MEGF10: variants seen among roughly 807,000 people sequenced by gnomAD.
The protein encoded by MEGF10 is multiple epidermal growth factor-like domains protein 10.
A neutral mutation model predicts 147.5 loss-of-function variants in MEGF10; 86 were observed. The ratio of observed to expected loss-of-function variants is 0.58; its 90% CI spans 0.49 to 0.70. The LOEUF is 0.70. MEGF10 is among the 30% of genes least tolerant of loss of function. MEGF10 has a pLI of 0.00. For missense variants in MEGF10, 1,329 were observed against 1,487.3 expected (o/e 0.89, Z 1.75); for synonymous variants, 478 against 525.5 (o/e 0.91, Z 1.24).
chr5:127,402,640 C>T lies in MEGF10; in HGVS notation c.875C>T (p.Ala292Val), dbSNP rs774908067. The change falls in exon 8 of 25, where the codon GCC (alanine) becomes GTC (valine). Residue 292 changes from alanine to valine, a missense_variant. Transcript: ENST00000503335. ...CATAATGGAGGGACGTGTGATGCTGCCACAGGCCAATGTCATTGCAGTCCA... is the reference window on the plus strand; with the variant it reads ...CATAATGGAGGGACGTGTGATGCTGTCACAGGCCAATGTCATTGCAGTCCA... ...QCHNGGTCDA[A>V]TGQCHCSPGY... The T allele has an allele frequency of 6.2e-7, 1 of 1,614,108 alleles. No individual in the cohort carries two copies. Among genetic ancestry groups the T allele is most frequent in the South Asian group, 1.1e-5 (1 of 91,068 alleles).
chr5:127,424,557 T>A (rs1765146874), intron 13 of MEGF10: 1 of 1,397,584 alleles, frequency 7.2e-7, no homozygotes, highest in Admixed American at 3.2e-5. Flanking sequence ...TTGGAAAATG[T>A]TGAGAGCTTC....
chr5:127,377,516 G>A (rs1763078648), intron 5 of MEGF10, among the ~76,000 whole-genome samples: 1 of 152,178 alleles, frequency 6.6e-6, no homozygotes, highest in East Asian at 1.9e-4. Context: ...CTTGGCAGTA[G>A]TGAAAATATC....
chr5:127,366,037 C>G (rs1038535355), intron 4 of MEGF10, among the ~76,000 whole-genome samples: 7 of 151,898 alleles, frequency 4.6e-5, no homozygotes, highest in Non-Finnish European at 7.4e-5. Context: ...TGTCTTTAGC[C>G]TATATTGGTT....
intron 5 of MEGF10, among the ~76,000 whole-genome samples, chr5:127,396,276 G>A (rs529890360): frequency 1.3e-5 from 2 of 152,334 alleles, no homozygotes; most frequent in Admixed American, 1.3e-4. Flanking sequence ...CACAGTCTGA[G>A]TAAAGGCATG....
At chr5:127,325,843 A>T (rs1452104722) in intron 1 of MEGF10, among the ~76,000 whole-genome samples, 1 of 127,660 alleles carries the variant, frequency 7.8e-6, no homozygotes, top group Non-Finnish European at 1.8e-5. Flanking sequence ...ATATATATAT[A>T]CATATATGTG....
the MEGF10 span, among the ~76,000 whole-genome samples, chr5:127,247,384 A>T: frequency 1.2e-4 from 3 of 25,354 alleles, no homozygotes; most frequent in Non-Finnish European, 2.2e-4. Flanking sequence ...GAAGAAGAAG[A>T]AGAAGAAGAA....
At chr5:127,232,177 T>A in the MEGF10 span, among the ~76,000 whole-genome samples, 1 of 152,374 alleles carries the variant, frequency 6.6e-6, no homozygotes, top group Admixed American at 6.5e-5. Flanking sequence ...AAAAATGATC[T>A]TATTGATTTT....
At chr5:127,240,869 A>C in the MEGF10 span, among the ~76,000 whole-genome samples, 1 of 152,222 alleles carries the variant, frequency 6.6e-6, no homozygotes, top group Non-Finnish European at 1.5e-5. Context: ...ACTTTAATGA[A>C]GAATAATACA....
At chr5:127,433,011 G>A (rs540501196) in intron 13 of MEGF10, among the ~76,000 whole-genome samples, 63 of 152,184 alleles carry the variant, frequency 4.1e-4, no homozygotes, top group Non-Finnish European at 7.5e-4. Flanking sequence ...ACAAAGAATG[G>A]GAGGAGGAGG....
At chr5:127,272,915 T>C in the MEGF10 span, among the ~76,000 whole-genome samples, 1 of 152,340 alleles carries the variant, frequency 6.6e-6, no homozygotes, top group East Asian at 1.9e-4. Context: ...TCGAATACGC[T>C]TTATTTCTTT....
intron 2 of MEGF10, among the ~76,000 whole-genome samples, chr5:127,332,219 A>G (rs1761289316): frequency 6.6e-6 from 1 of 152,210 alleles, no homozygotes; most frequent in Non-Finnish European, 1.5e-5. Flanking sequence ...CAGTACAATC[A>G]AGTCCAGTTG....
intron 8 of MEGF10, among the ~76,000 whole-genome samples, chr5:127,407,137 T>C (rs1764363346): frequency 6.6e-6 from 1 of 152,204 alleles, no homozygotes; most frequent in African/African-American, 2.4e-5. Context: ...GAGGAGCTCT[T>C]TCCTGTGTCT....
chr5:127,285,903 AT>A (rs1357717667), upstream of MEGF10, among the ~76,000 whole-genome samples: 1 of 152,178 alleles, frequency 6.6e-6, no homozygotes, highest in African/African-American at 2.4e-5. Context: ...AAGAGATGGA[AT>A]CCATGTAAGC....
intron 18 of MEGF10, among the ~76,000 whole-genome samples, chr5:127,441,448 G>C (rs1272405634): frequency 6.6e-6 from 1 of 152,146 alleles, no homozygotes; most frequent in African/African-American, 2.4e-5. Context: ...CCCACTGGGG[G>C]AGAATATGCC....
In MEGF10 at chr5:127,457,554, C is replaced by T. The variant is rs1766412063; in HGVS notation, c.*236C>T. 4.3e-6 allele frequency: 2 copies of T among 469,814 alleles called. No homozygotes were observed. The highest frequency in any genetic ancestry group is 3.8e-5 in the Admixed American group (1 of 26,012). The allele number at this position is 469,814 out of a possible 1,614,324, so 29.1% of individuals were successfully genotyped here. A position where few individuals can be genotyped will look rare whatever the true frequency, so the allele number is the denominator to read the frequency against. On this transcript the variant is annotated 3_prime_UTR_variant, in exon 25 of 25. Transcript: ENST00000503335. ...CATTGCTGTTAGTTTTAGAACTATA[C>T]CCGTGAAGCATGACTTATTGTAAGA...
At chr5:127,364,140 A>G (rs1043916337) in intron 4 of MEGF10, among the ~76,000 whole-genome samples, 1 of 152,228 alleles carries the variant, frequency 6.6e-6, no homozygotes, top group Non-Finnish European at 1.5e-5. Context: ...TTCACATACC[A>G]TACAATTCAA....
intron 4 of MEGF10, among the ~76,000 whole-genome samples, chr5:127,355,040 C>T (rs1256592707): frequency 6.6e-6 from 1 of 152,104 alleles, no homozygotes; most frequent in Non-Finnish European, 1.5e-5. Context: ...TTGGTCTTTT[C>T]CTGCTGAAAA....
intron 5 of MEGF10, among the ~76,000 whole-genome samples, chr5:127,379,561 A>G (rs1763173637): frequency 7.1e-6 from 1 of 141,510 alleles, no homozygotes; most frequent in South Asian, 2.3e-4. Context: ...TCAGAATAAT[A>G]CTCATCTCCC....
At chr5:127,423,121 T>C (rs548455830) in intron 13 of MEGF10, among the ~76,000 whole-genome samples, 6 of 152,250 alleles carry the variant, frequency 3.9e-5, no homozygotes, top group Admixed American at 2.0e-4. Flanking sequence ...ATGACAAGGG[T>C]CACCTTAGTG....
Sources: allele counts gnomAD v4.1 joint callset (sites outside exome capture counted in the v4.1 genomes callset), GRCh38; gene constraint gnomAD v4.1.1; transcripts MANE v1.5; gene names NCBI Gene and HGNC (gene_info 2026-07-23, HGNC 2026-07-21).